The following L1CAM variants were observed in gnomAD, a reference collection of about 807,000 sequenced individuals.
L1CAM encodes the protein neural cell adhesion molecule L1.
Under a neutral mutation model 93.0 loss-of-function variants are expected in L1CAM, and 8 were observed. The observed-to-expected ratio is 0.09, with a 90% confidence interval of 0.05 to 0.16. The LOEUF is 0.16. L1CAM is among the 10% of genes least tolerant of loss of function. The probability of loss-of-function intolerance (pLI) is 1.00; values close to 1 mark genes in which losing one functional copy is unlikely to be tolerated. For missense variants in L1CAM, 777 were observed against 1,073.4 expected, an observed-to-expected ratio of 0.72 and a Z score of 3.86; for synonymous variants, 453 against 453.0, an observed-to-expected ratio of 1.00 and a Z score of 0.00.
chrX:153,873,214 C>T lies in L1CAM; in HGVS notation c.91+14G>A. 1 of 1,209,653 alleles carries T rather than the reference C, an allele frequency of 8.3e-7. No homozygotes were observed. The highest frequency in any genetic ancestry group is 1.1e-6 in the Non-Finnish European group (1 of 893,351). Reference sequence around the variant, plus strand: ...TGGCCTTCTGGGAAACACTCTCACCCCTCCCCAACTTACCATGGTGTCCTT... The same window carrying T: ...TGGCCTTCTGGGAAACACTCTCACCTCTCCCCAACTTACCATGGTGTCCTT... On this transcript the variant is annotated intron_variant, in intron 3 of 28. Transcript: ENST00000370060.
intron 2 of L1CAM, among the ~76,000 whole-genome samples, chrX:153,875,370 C>A (rs1557094229): frequency 8.9e-6 from 1 of 112,045 alleles, no homozygotes; most frequent in Non-Finnish European, 1.9e-5. Flanking sequence ...GGGCTGGGGA[C>A]GACCCCATTC....
At chrX:153,884,237 T>C in intron 1 of L1CAM, 1 of 1,011,749 alleles carries the variant, frequency 9.9e-7, no homozygotes, top group Non-Finnish European at 1.3e-6. Context: ...AGCTGCCCAG[T>C]ACACGACTGC....
chrX:153,866,184 G>A (rs1208839386), intron 19 of L1CAM, among the ~76,000 whole-genome samples: 2 of 109,326 alleles, frequency 1.8e-5, no homozygotes, highest in South Asian at 3.9e-4. Flanking sequence ...GTGGTGGCGC[G>A]TGCCTGTAAT....
At chrX:153,865,653 C>T (rs1229606362) in intron 20 of L1CAM, 51 bp downstream of exon 20, 3 of 1,035,569 alleles carry the variant, frequency 2.9e-6, no homozygotes, top group Admixed American at 2.2e-5. Context: ...ACCATCCTGT[C>T]GCTTTACCTC....
intron 1 of L1CAM, among the ~76,000 whole-genome samples, chrX:153,881,024 C>T (rs782353053): frequency 2.4e-4 from 27 of 112,283 alleles, no homozygotes; most frequent in African/African-American, 7.8e-4. Context: ...TCAGGGAGGA[C>T]GGTCTTGACT....
chrX:153,877,167 G>A (rs1223466300), intron 1 of L1CAM, among the ~76,000 whole-genome samples: 5 of 107,213 alleles, frequency 4.7e-5, no homozygotes, highest in African/African-American at 1.7e-4. Flanking sequence ...ATTAGGGCTG[G>A]GCGTGGTGGC....
intron 1 of L1CAM, chrX:153,876,341 T>C (rs1340384465): frequency 4.8e-6 from 1 of 210,481 alleles, no homozygotes; most frequent in African/African-American, 2.9e-5. Context: ...GAGTGAGCTG[T>C]ATGTGAGCTG....
chrX:153,866,618 C>T (rs2064715561), intron 19 of L1CAM, 31 bp downstream of exon 19: 1 of 1,136,179 alleles, frequency 8.8e-7, no homozygotes, highest in Non-Finnish European at 1.2e-6. Flanking sequence ...GCGAGCTCAA[C>T]CGTGGGCGAG....
chrX:153,876,731 C>T (rs1455232601), intron 1 of L1CAM, among the ~76,000 whole-genome samples: 16 of 112,381 alleles, frequency 1.4e-4, no homozygotes, highest in Admixed American at 4.7e-4. Flanking sequence ...TGGTGGCTCA[C>T]GCCTGTAATC....
intron 1 of L1CAM, among the ~76,000 whole-genome samples, chrX:153,878,432 A>T (rs1372419966): frequency 8.9e-6 from 1 of 112,880 alleles, no homozygotes; most frequent in Non-Finnish European, 1.9e-5. Flanking sequence ...GGAGGGTAAG[A>T]AGAGTGATTC....
In L1CAM at chrX:153,865,347, G is replaced by A. The variant is rs2148494055; in HGVS notation, c.2701C>T (p.Arg901Ter). Reference protein sequence around the residue: ...YHLEVQAFNGRGSGPASEFTF... With the variant: ...YHLEVQAFNG ...AACTCGCTGGCGGGCCCCGATCCTC[G>A]CCCGTTAAAGGCCTGCACCTCCAGG... Residue 901 changes from arginine (R) to a stop codon, truncating the protein, a stop_gained, in exon 21 of 29, where the codon CGA (arginine) becomes TGA (stop). Coordinates refer to ENST00000370060, the MANE Select transcript of L1CAM (RefSeq NM_001278116.2). LOFTEE classifies it high-confidence loss of function. The A allele has an allele frequency of 8.3e-7, 1 of 1,210,937 alleles. No homozygotes were observed. The highest frequency in any genetic ancestry group is 1.1e-6 in the Non-Finnish European group (1 of 895,323).
At position 153,867,390 on chromosome X, in the gene L1CAM, G is replaced by A; in HGVS notation, c.2103C>T (p.Ser701=). ...GTGTGACCACAGTCTCAGAGACCGG[G>A]CTGGGCTCCCCGGGGCCATATTTGT... ...AINKYGPGEP[S]PVSETVVTPE... The change falls in exon 17 of 29, where the codon AGC becomes AGT. Residue 701 remains serine (S), a synonymous_variant. Coordinates refer to ENST00000370060, the MANE Select transcript of L1CAM (RefSeq NM_001278116.2). 1 of 1,210,589 alleles carries A rather than the reference G, an allele frequency of 8.3e-7. No homozygotes were observed. The highest frequency in any genetic ancestry group is 1.1e-6 in the Non-Finnish European group (1 of 894,996).
chrX:153,872,693 C>T lies in L1CAM; in HGVS notation c.96G>A (p.Met32Ile). 8.3e-7 allele frequency: 1 copy of T among 1,203,956 alleles called. No individual in the cohort carries two copies. The highest frequency in any genetic ancestry group is 1.1e-6 in the Non-Finnish European group (1 of 888,470). Residue 32 changes from methionine to isoleucine, a missense_variant, in exon 4 of 29, where the codon ATG becomes ATA. Transcript: ENST00000370060. ...ACTGTTCCGTGATGACAGGTGGCTC[C>T]ATCACTGAAGACAGGGTGGAGAGAG... is the stretch of plus-strand genomic sequence containing the variant. Reference protein sequence around the residue: ...IPEEYEGHHVMEPPVITEQSP... With the variant: ...IPEEYEGHHVIEPPVITEQSP...
intron 14 of L1CAM, 31 bp from the exon 15 acceptor site, chrX:153,868,153 C>T: frequency 8.3e-7 from 1 of 1,209,711 alleles, no homozygotes; most frequent in East Asian, 3.0e-5. Flanking sequence ...TCTTTCCTGC[C>T]ATCTGGGCTC....
intron 17 of L1CAM, 66 bp downstream of exon 17, chrX:153,867,289 TA>T: frequency 9.3e-7 from 1 of 1,079,694 alleles, no homozygotes; most frequent in Non-Finnish European, 1.3e-6. Flanking sequence ...GGCACCTCTC[TA>T]AGCCCTCCCT....
At chrX:153,868,160 G>T in intron 14 of L1CAM, 38 bp from the exon 15 acceptor site, 1 of 1,208,540 alleles carries the variant, frequency 8.3e-7, no homozygotes. Context: ...TGCCATCTGG[G>T]CTCTTCTCCC....
chrX:153,873,766 A>G lies in L1CAM; in HGVS notation c.77-524T>C, dbSNP rs1711828530. ...GCCCCCTCCCCCTGAAAACTATCCC[A>G]AAGGCCCTGCTGCCTCTGAGTTTCC... is the stretch of plus-strand genomic sequence containing the variant. On this transcript the variant is annotated intron_variant, in intron 2 of 28. Transcript: ENST00000370060. Among the ~76,000 whole-genome samples, 7 of 112,462 alleles carry G rather than the reference A, an allele frequency of 6.2e-5. No homozygotes were observed. In the South Asian group the frequency reaches 1.8e-3, roughly 29 times the overall value.
In L1CAM at chrX:153,868,332, C is replaced by T. The variant is rs782557004; in HGVS notation, c.1673G>A (p.Arg558Gln). The T allele has an allele frequency of 5.0e-5, 60 of 1,210,348 alleles. No individual in the cohort carries two copies. Among genetic ancestry groups the T allele is most frequent in the Non-Finnish European group, 6.3e-5 (56 of 895,289 alleles). ...QPSITWRGDG[R>Q]DLQELGDSDK... ...ACTGTCCCCAAGCTCCTGGAGGTCT[C>T]GACCGTCCCCACGCCAGGTGATGCT... Residue 558 changes from arginine (R) to glutamine (Q), a missense_variant, in exon 14 of 29, where the codon CGA becomes CAA. This residue lies in a region of L1CAM where 574 missense variants were observed against 781.0 expected (regional missense o/e 0.73). Coordinates refer to ENST00000370060, the MANE Select transcript of L1CAM (RefSeq NM_001278116.2).
In L1CAM at chrX:153,870,372, G is replaced by T. The variant is rs782213238; in HGVS notation, c.806+16C>A. 1 of 1,200,694 alleles carries T rather than the reference G, an allele frequency of 8.3e-7. No homozygotes were observed. The highest frequency in any genetic ancestry group is 1.8e-5 in the South Asian group (1 of 56,692). On this transcript the variant is annotated intron_variant, in intron 8 of 28. Transcript: ENST00000370060. ...ACCCTGCCCTGCCCTGCCCTGCCCTGGGTTCCCAGACTCACAAGCCCTCGG... is the reference window on the plus strand; with the variant it reads ...ACCCTGCCCTGCCCTGCCCTGCCCTTGGTTCCCAGACTCACAAGCCCTCGG...
Sources: gnomAD v4.1 joint callset for allele counts (sites outside exome capture counted in the v4.1 genomes callset) on GRCh38, gnomAD v4.1.1 for gene constraint, gnomAD v4.1.1 regional missense constraint, MANE v1.5 for transcripts, NCBI Gene and HGNC (gene_info 2026-07-23, HGNC 2026-07-21) for gene names.